The following HTR3A variants were observed in gnomAD, a reference collection of about 807,000 sequenced individuals.
HTR3A encodes 5-hydroxytryptamine receptor 3A, also known as 5-hydroxytryptamine (serotonin) receptor 3A, ionotropic.
Under a neutral mutation model 54.8 loss-of-function variants are expected in HTR3A, and 45 were observed. The observed-to-expected ratio is 0.82, with a 90% CI of 0.65 to 1.05. The LOEUF is 1.05. HTR3A is among the 50% of genes least tolerant of loss of function. HTR3A has a pLI of 0.00. For missense variants in HTR3A, 657 were observed against 614.0 expected, an observed-to-expected ratio of 1.07 and a Z score of -0.74; for synonymous variants, 297 against 256.0, an observed-to-expected ratio of 1.16 and a Z score of -1.53.
At chr11:113,987,710 G>T (rs1950509052) in intron 8 of HTR3A, among the ~76,000 whole-genome samples, 1 of 152,174 alleles carries the variant, frequency 6.6e-6, no homozygotes, top group Admixed American at 6.5e-5. Flanking sequence ...CCCACCTGGA[G>T]ATAGAGTAAG....
At chr11:113,977,057 C>T (rs1314947578) in intron 1 of HTR3A, among the ~76,000 whole-genome samples, 1 of 152,086 alleles carries the variant, frequency 6.6e-6, no homozygotes, top group African/African-American at 2.4e-5. Context: ...TCACTCCCTC[C>T]ACACCTCGCC....
intron 5 of HTR3A, among the ~76,000 whole-genome samples, chr11:113,985,738 A>G (rs1220219204): frequency 6.6e-6 from 1 of 151,868 alleles, no homozygotes; most frequent in African/African-American, 2.4e-5. Flanking sequence ...TGTGAAGGAG[A>G]GAGAGCGCTT....
At chr11:113,975,467 C>CTCTCCACAGCCCTCG in intron 1 of HTR3A, 75 bp downstream of exon 1, 1 of 1,272,212 alleles carries the variant, frequency 7.9e-7, no homozygotes, top group Non-Finnish European at 1.1e-6. Flanking sequence ...TTCAGTCCTC[C>CTCTCCACAGCCCTCG]GAGGGCTGTG....
At chr11:113,982,210 G>A (rs1238575523) in intron 4 of HTR3A, among the ~76,000 whole-genome samples, 1 of 152,146 alleles carries the variant, frequency 6.6e-6, no homozygotes. Flanking sequence ...CCCACCAACT[G>A]GGTTTCAGAA....
chr11:113,989,713 G>A lies in HTR3A; in HGVS notation c.1387G>A (p.Ala463Thr), dbSNP rs775923805. The part of the protein sequence containing the change: ...LFHIYLLAVL[A>T]YSITLVMLWS... ...CCACATTTACCTGCTAGCGGTGCTG[G>A]CCTACAGCATCACCCTGGTTATGCT... Residue 463 changes from alanine to threonine, a missense_variant, in exon 9 of 9, where the codon GCC becomes ACC. By Grantham distance (58) the Ala-to-Thr change is moderately conservative (BLOSUM62 0). Transcript: ENST00000504030. This position sits in a 1 kb window ranked among gnomAD's most constrained non-coding sequence, Gnocchi z 4.4. The A allele has an allele frequency of 6.2e-7, 1 of 1,613,648 alleles. No individual in the cohort carries two copies. Among genetic ancestry groups the A allele is most frequent in the Non-Finnish European group, 8.5e-7 (1 of 1,180,030 alleles).
chr11:113,986,366 T>A, intron 6 of HTR3A, 152 bp from the exon 7 acceptor site: 1 of 1,053,820 alleles, frequency 9.5e-7, no homozygotes, highest in Non-Finnish European at 1.4e-6. Context: ...TAAGCCTGGA[T>A]TGAGAGGCAG....
intron 1 of HTR3A, among the ~76,000 whole-genome samples, chr11:113,977,027 G>C (rs555781104): frequency 6.6e-6 from 1 of 151,952 alleles, no homozygotes; most frequent in African/African-American, 2.4e-5. Flanking sequence ...CACCTACCCC[G>C]GAAGTCGTTT....
At chr11:113,977,999 T>C in intron 2 of HTR3A, 77 bp downstream of exon 2, 2 of 1,542,242 alleles carry the variant, frequency 1.3e-6, no homozygotes, top group South Asian at 2.2e-5. Context: ...AGTCACCCCC[T>C]ATGCAGCTTG....
intron 5 of HTR3A, among the ~76,000 whole-genome samples, chr11:113,983,984 T>C (rs946252235): frequency 2.6e-5 from 4 of 152,214 alleles, no homozygotes; most frequent in African/African-American, 9.7e-5. Flanking sequence ...TCCAGGCTCA[T>C]CTGCTCCTCT....
intron 6 of HTR3A, 123 bp from the exon 7 acceptor site, chr11:113,986,395 T>C: frequency 8.1e-7 from 1 of 1,233,114 alleles, no homozygotes; most frequent in Non-Finnish European, 1.2e-6. Context: ...GGTCTGTCTG[T>C]TTTCTTCTCT....
rs1399405987 is a variant in HTR3A, at chr11:113,989,642, C to T, written c.1316C>T (p.Ala439Val). 2 of 1,614,084 alleles carry T rather than the reference C, an allele frequency of 1.2e-6. No individual in the cohort carries two copies. The highest frequency in any genetic ancestry group is 8.5e-7 in the Non-Finnish European group (1 of 1,180,030). ...AAGCGGGATGAGATCCGAGAGGTGG[C>T]CCGAGACTGGCTGCGCGTGGGCTCC... ...LEKRDEIREV[A>V]RDWLRVGSVL... The change falls in exon 9 of 9, where the codon GCC becomes GTC. Residue 439 changes from alanine (A) to valine (V), a missense_variant. By Grantham distance (64) the Ala-to-Val change is moderately conservative. Transcript: ENST00000504030. This position sits in a 1 kb window ranked among gnomAD's most constrained non-coding sequence, Gnocchi z 4.4.
At chr11:113,979,755 AT>A (rs1293260766) in intron 3 of HTR3A, among the ~76,000 whole-genome samples, 1 of 152,106 alleles carries the variant, frequency 6.6e-6, no homozygotes, top group Non-Finnish European at 1.5e-5. Flanking sequence ...GTGTGGATAC[AT>A]CTGAGGCTTG....
chr11:113,985,886 G>A (rs1950483774), intron 5 of HTR3A, 129 bp from the exon 6 acceptor site: 2 of 913,892 alleles, frequency 2.2e-6, no homozygotes, highest in East Asian at 2.4e-5. Context: ...AAGGTGATGT[G>A]CTGAGGTTGA....
At position 113,979,280 on chromosome 11, in the gene HTR3A, G is replaced by A. The variant is rs1314805374; in HGVS notation, c.264+3G>A. 1.2e-6 allele frequency: 2 copies of A among 1,609,412 alleles called. No individual in the cohort carries two copies. The highest frequency in any genetic ancestry group is 2.2e-5 in the East Asian group (1 of 44,838). On this transcript the variant is annotated splice_donor_region_variant and intron_variant, in intron 3 of 8. Coordinates refer to ENST00000504030, the MANE Select transcript of HTR3A (RefSeq NM_000869.6). ...CCACCTACATCTGGTACCGGCAGGT[G>A]AGCAGACCCGCCCCTCCCTGCCCCC... is the stretch of plus-strand genomic sequence containing the variant.
At chr11:113,977,098 C>T (rs1950361065) in intron 1 of HTR3A, among the ~76,000 whole-genome samples, 1 of 152,144 alleles carries the variant, frequency 6.6e-6, no homozygotes, top group Admixed American at 6.6e-5. Flanking sequence ...ATCATGTTTG[C>T]CCATACAGCA....
rs146011355 is a variant in HTR3A, at chr11:113,989,706, G to A, written c.1380G>A (p.Ala460=). The A allele has an allele frequency of 9.5e-5, 153 of 1,613,672 alleles. 1 individual carries two copies. The Admixed American group carries it at 1.7e-3, about 18-fold the overall frequency. ...TGCTATTCCACATTTACCTGCTAGC[G>A]GTGCTGGCCTACAGCATCACCCTGG... The part of the protein sequence containing the change: ...DKLLFHIYLL[A]VLAYSITLVM... Residue 460 remains alanine (A), a synonymous_variant, in exon 9 of 9, where the codon GCG becomes GCA. Transcript: ENST00000504030. This position sits in a 1 kb window ranked among gnomAD's most constrained non-coding sequence, Gnocchi z 4.4.
At chr11:113,986,255 T>G in intron 6 of HTR3A, 80 bp downstream of exon 6, 2 of 1,558,036 alleles carry the variant, frequency 1.3e-6, no homozygotes, top group Non-Finnish European at 8.8e-7. Flanking sequence ...CTGGGAGAAC[T>G]TCTATAGCCT....
rs1306873873 is a variant in HTR3A, at chr11:113,983,249, C to T, written c.504C>T (p.Val168=). The change falls in exon 5 of 9, where the codon GTC becomes GTT. Residue 168 remains valine, a synonymous_variant. Coordinates refer to ENST00000504030, the MANE Select transcript of HTR3A (RefSeq NM_000869.6). ...ACATCTACAACTTCCCCTTCGATGT[C>T]CAGAACTGCTCGCTGACCTTCACCA... ...SLDIYNFPFD[V]QNCSLTFTSW... is the part of the protein sequence containing the mutation. 2 of 1,614,088 alleles carry T rather than the reference C, an allele frequency of 1.2e-6. No homozygotes were observed. The highest frequency in any genetic ancestry group is 1.7e-6 in the Non-Finnish European group (2 of 1,180,044).
rs1950528853 is a variant in HTR3A at position 113,989,646 on chromosome 11, AGACTGGCT to A, written c.1322_1329del (p.Asp441AlafsTer137). The A allele has an allele frequency of 6.8e-6, 11 of 1,614,194 alleles. No individual in the cohort carries two copies. The highest frequency in any genetic ancestry group is 9.3e-6 in the Non-Finnish European group (11 of 1,180,042). On this transcript the variant is annotated frameshift_variant, in exon 9 of 9. Coordinates refer to ENST00000504030, the MANE Select transcript of HTR3A (RefSeq NM_000869.6). LOFTEE classifies it high-confidence loss of function. This position sits in a 1 kb window ranked among gnomAD's most constrained non-coding sequence, Gnocchi z 4.4. The stretch of plus-strand genomic sequence containing the variant: ...GGGATGAGATCCGAGAGGTGGCCCG[AGACTGGCT>A]GCGCGTGGGCTCCGTGCTGGACAAG...
Sources: allele counts gnomAD v4.1 joint callset (sites outside exome capture counted in the v4.1 genomes callset), GRCh38; gene constraint gnomAD v4.1.1; non-coding constraint Gnocchi (gnomAD v3.1); transcripts MANE v1.5; gene names NCBI Gene and HGNC (gene_info 2026-07-23, HGNC 2026-07-21).